The following PDZRN4 variants were observed in gnomAD, a reference collection of about 807,000 sequenced individuals.
PDZRN4 encodes the protein PDZ domain containing ring finger 4, also known as PDZ domain-containing RING finger protein 4.
In PDZRN4, 70 loss-of-function variants were observed where a neutral mutation model predicts 99.0. That is an observed-to-expected ratio of 0.71 (90% CI 0.58 to 0.86). The LOEUF is 0.86. Among genes scored for constraint, PDZRN4 ranks in the 40% least tolerant of loss-of-function variants. The pLI is 0.00. For missense variants in PDZRN4, 1,474 were observed against 1,331.2 expected, an observed-to-expected ratio of 1.11 and a Z score of -1.67; for synonymous variants, 551 against 501.6, an observed-to-expected ratio of 1.10 and a Z score of -1.32.
rs1938930829 is a variant in PDZRN4 at position 41,545,500 on chromosome 12, A to G, written c.1204-7156A>G. Among the ~76,000 whole-genome samples, 3 of 139,296 alleles carry G rather than the reference A, an allele frequency of 2.2e-5. No individual in the cohort carries two copies. In the Admixed American group the frequency reaches 2.2e-4, roughly 10 times the overall value. 91.4% of individuals were successfully genotyped at this position (139,296 alleles called of 152,430 possible). Reference sequence around the variant, plus strand: ...TTTCCCTCTGCCCCAGCCCATATTGATGATATTAATGTGTGTGTGTGTGTG... The same window carrying G: ...TTTCCCTCTGCCCCAGCCCATATTGGTGATATTAATGTGTGTGTGTGTGTG... On this transcript the variant is annotated intron_variant, in intron 5 of 9. Transcript: ENST00000402685.
At chr12:41,238,960 G>A (rs958275975) in intron 3 of PDZRN4, among the ~76,000 whole-genome samples, 1 of 152,072 alleles carries the variant, frequency 6.6e-6, no homozygotes, top group African/African-American at 2.4e-5. Flanking sequence ...TCCTATTACT[G>A]AGTAGTATAC....
At chr12:41,485,741 G>A (rs1185074692) in intron 3 of PDZRN4, among the ~76,000 whole-genome samples, 1 of 152,102 alleles carries the variant, frequency 6.6e-6, no homozygotes, top group Non-Finnish European at 1.5e-5. Flanking sequence ...TCTCTGACAT[G>A]ATTAAAATCC....
At position 41,401,309 on chromosome 12, in the gene PDZRN4, T is replaced by C. The variant is rs1952287142; in HGVS notation, c.844-105147T>C. The stretch of plus-strand genomic sequence containing the variant: ...AATGTCTACTGAGAACTAAGCTATT[T>C]AAAACTGAAAGTTTCTCTCCAGTAG... On this transcript the variant is annotated intron_variant, in intron 3 of 9. Transcript: ENST00000402685. 4.6e-5 allele frequency among the ~76,000 whole-genome samples: 7 copies of C among 152,196 alleles called. No individual in the cohort carries two copies. In the South Asian group the frequency reaches 1.5e-3, roughly 32 times the overall value.
Position 41,464,978 on chromosome 12 carries a change from C to CCA in PDZRN4, c.844-41476_844-41475dup. On this transcript the variant is annotated intron_variant, in intron 3 of 9. Coordinates refer to ENST00000402685, the MANE Select transcript of PDZRN4 (RefSeq NM_001164595.2). Reference sequence around the variant, plus strand: ...TAGCTGGGATTACGAGTGCCTGTCACCACGCCTGGCTAATTTTTGCATTTT... The same window carrying CCA: ...TAGCTGGGATTACGAGTGCCTGTCACCACACGCCTGGCTAATTTTTGCATTTT... Among the ~76,000 whole-genome samples, 3 of 152,098 alleles carry CCA rather than the reference C, an allele frequency of 2.0e-5. No homozygotes were observed. The East Asian group carries it at 5.8e-4, about 29-fold the overall frequency.
intron 3 of PDZRN4, among the ~76,000 whole-genome samples, chr12:41,405,835 A>G (rs116021533): frequency 1.3e-5 from 2 of 152,170 alleles, no homozygotes; most frequent in African/African-American, 4.8e-5. Context: ...TCCTTAGCAA[A>G]TTAATGCAGA....
At chr12:41,228,232 G>C (rs1951008134) in intron 3 of PDZRN4, among the ~76,000 whole-genome samples, 1 of 152,104 alleles carries the variant, frequency 6.6e-6, no homozygotes, top group South Asian at 2.1e-4. Context: ...CCAATCACTT[G>C]AACAGTGGCA....
chr12:41,545,542 T>C (rs1938933546), intron 5 of PDZRN4, among the ~76,000 whole-genome samples: 1 of 138,472 alleles, frequency 7.2e-6, no homozygotes. Flanking sequence ...TGTGTGTGTG[T>C]GTGTGTGTGT....
intron 7 of PDZRN4, among the ~76,000 whole-genome samples, chr12:41,561,485 T>C (rs552776545): frequency 6.6e-6 from 1 of 151,104 alleles, no homozygotes; most frequent in South Asian, 2.1e-4. Flanking sequence ...GATAGCAAAC[T>C]TAATAGCAGC....
chr12:41,338,162 G>T (rs2121008727), intron 3 of PDZRN4, among the ~76,000 whole-genome samples: 1 of 152,118 alleles, frequency 6.6e-6, no homozygotes, highest in African/African-American at 2.4e-5. Flanking sequence ...CTATATCTAA[G>T]TATGCGACTA....
intron 3 of PDZRN4, among the ~76,000 whole-genome samples, chr12:41,445,537 C>G (rs543822043): frequency 1.3e-5 from 2 of 152,104 alleles, no homozygotes; most frequent in East Asian, 3.9e-4. Context: ...TGAATTTTCA[C>G]AAGTCATTTA....
intron 3 of PDZRN4, among the ~76,000 whole-genome samples, chr12:41,338,201 AT>A (rs1951789504): frequency 6.6e-6 from 1 of 152,162 alleles, no homozygotes; most frequent in Non-Finnish European, 1.5e-5. Context: ...TTTCAAAAGG[AT>A]TAATATCTAT....
chr12:41,359,920 C>A (rs1951953034), intron 3 of PDZRN4, among the ~76,000 whole-genome samples: 1 of 151,992 alleles, frequency 6.6e-6, no homozygotes, highest in Admixed American at 6.6e-5. Context: ...TTCTAAGAAG[C>A]AGTAGTGGAT....
intron 3 of PDZRN4, among the ~76,000 whole-genome samples, chr12:41,218,204 C>CT (rs776261248): frequency 2.6e-4 from 39 of 152,072 alleles, no homozygotes; most frequent in Non-Finnish European, 4.9e-4. Context: ...TTCCTTTTGT[C>CT]TGTTATATGA....
At position 41,378,520 on chromosome 12, in the gene PDZRN4, A is replaced by ATTTTT. The variant is rs71081733; in HGVS notation, c.844-127921_844-127917dup. Among the ~76,000 whole-genome samples, 201 of 102,832 alleles carry ATTTTT rather than the reference A, an allele frequency of 2.0e-3. 10 individuals are homozygous for ATTTTT. The highest frequency in any genetic ancestry group is 7.0e-3 in the African/African-American group (186 of 26,754). The allele number at this position is 102,832 out of a possible 152,430, so 67.5% of individuals were successfully genotyped here. On this transcript the variant is annotated intron_variant, in intron 3 of 9. Transcript: ENST00000402685. The stretch of plus-strand genomic sequence containing the variant: ...TTTGGAAGTGCTCCTTCTGTCTTCA[A>ATTTTT]TTTTTTTTTTTTTTTTTTTGAGACA...
intron 3 of PDZRN4, among the ~76,000 whole-genome samples, chr12:41,232,886 T>A (rs1951038060): frequency 6.6e-6 from 1 of 152,172 alleles, no homozygotes; most frequent in Admixed American, 6.6e-5. Context: ...GCTTTCTACA[T>A]ATGGCTAGCC....
At chr12:41,350,002 G>T (rs1391413380) in intron 3 of PDZRN4, among the ~76,000 whole-genome samples, 1 of 151,986 alleles carries the variant, frequency 6.6e-6, no homozygotes, top group Non-Finnish European at 1.5e-5. Context: ...GAATACTTTA[G>T]ATTTTATCCT....
At chr12:41,552,079 A>G (rs1267589680) in intron 5 of PDZRN4, among the ~76,000 whole-genome samples, 1 of 152,178 alleles carries the variant, frequency 6.6e-6, no homozygotes, top group Non-Finnish European at 1.5e-5. Context: ...CCTGGATGAA[A>G]CCATTTCTTT....
chr12:41,248,706 C>CA (rs1215709471), intron 3 of PDZRN4, among the ~76,000 whole-genome samples: 1 of 151,936 alleles, frequency 6.6e-6, no homozygotes, highest in Non-Finnish European at 1.5e-5. Flanking sequence ...ACCAAAAATG[C>CA]AAACATCTGG....
chr12:41,477,818 T>C, intron 3 of PDZRN4: 2 of 1,170,244 alleles, frequency 1.7e-6, no homozygotes, highest in Non-Finnish European at 2.5e-6. Context: ...GTGGTAATGA[T>C]TTTGATTATG....
Sources: allele counts gnomAD v4.1 joint callset (sites outside exome capture counted in the v4.1 genomes callset), GRCh38; gene constraint gnomAD v4.1.1; transcripts MANE v1.5; gene names NCBI Gene and HGNC (gene_info 2026-07-23, HGNC 2026-07-21).